The following ERLEC1 variants were observed in gnomAD, a reference collection of about 807,000 sequenced individuals.
ERLEC1 encodes the protein endoplasmic reticulum lectin 1, also known as ER lectin.
A neutral mutation model predicts 68.0 loss-of-function variants in ERLEC1; 47 were observed. The observed-to-expected ratio is 0.69, with a 90% CI of 0.55 to 0.88. The LOEUF is 0.88. Among genes scored for constraint, ERLEC1 ranks in the 40% least tolerant of loss-of-function variants. The probability of loss-of-function intolerance (pLI) is 0.00; values close to 1 mark genes in which losing one functional copy is unlikely to be tolerated. For missense variants in ERLEC1, 567 were observed against 583.8 expected (o/e 0.97, Z 0.30); for synonymous variants, 225 against 203.2 (o/e 1.11, Z -0.91).
intron 1 of ERLEC1, chr2:53,788,827 G>T (rs1250516014): frequency 1.3e-5 from 2 of 152,130 alleles, no homozygotes; most frequent in Non-Finnish European, 2.9e-5. Flanking sequence ...GCTTGGAAGA[G>T]AATACTTTAA....
intron 2 of ERLEC1, 145 bp from the exon 3 acceptor site, chr2:53,795,783 GCGTAC>G (rs1028867316): frequency 3.9e-6 from 2 of 519,354 alleles, no homozygotes; most frequent in Non-Finnish European, 6.7e-6. Flanking sequence ...GAAAGCAATG[GCGTAC>G]CGTAGGGTCT....
At chr2:53,796,427 G>A (rs1403515850) in intron 3 of ERLEC1, among the ~76,000 whole-genome samples, 1 of 151,548 alleles carries the variant, frequency 6.6e-6, no homozygotes, top group Non-Finnish European at 1.5e-5. Flanking sequence ...GTTAAGTTAG[G>A]TATAAATATA....
rs1446179709 is a variant in ERLEC1 at position 53,797,595 on chromosome 2, G to A, written c.426+3G>A. 1.2e-6 allele frequency: 2 copies of A among 1,608,272 alleles called. No individual in the cohort carries two copies. The highest frequency in any genetic ancestry group is 2.2e-5 in the East Asian group (1 of 44,792). ...ATGAAGAGAAAGAAACTGGTCAGGT[G>A]TGTTTTTCTTCAAAATATTATTATG... On this transcript the variant is annotated splice_donor_region_variant and intron_variant, in intron 4 of 13. Coordinates refer to ENST00000185150, the MANE Select transcript of ERLEC1 (RefSeq NM_015701.5).
Position 53,787,153 on chromosome 2 carries a change from CCT to C in ERLEC1, c.-54_-53del, listed in dbSNP as rs1675081605. ...TCCTCCTCCACCTCCTCCTCCTCCTCCTCTCCTCCTGGAGCAGAGGAGGTTGT... is the reference window on the plus strand; with the variant it reads ...TCCTCCTCCACCTCCTCCTCCTCCTCCTCCTCCTGGAGCAGAGGAGGTTGT... On this transcript the variant is annotated 5_prime_UTR_variant, in exon 1 of 14. Transcript: ENST00000185150. 1 of 1,420,186 alleles carries C rather than the reference CCT, an allele frequency of 7.0e-7. No homozygotes were observed. 88.0% of individuals were successfully genotyped at this position (1,420,186 alleles called of 1,614,324 possible).
chr2:53,811,433 A>G (rs1324613971), intron 10 of ERLEC1, among the ~76,000 whole-genome samples: 1 of 152,220 alleles, frequency 6.6e-6, no homozygotes, highest in East Asian at 1.9e-4. Context: ...AACAGTGGCT[A>G]CATTCCTATA....
intron 10 of ERLEC1, among the ~76,000 whole-genome samples, chr2:53,811,128 A>C (rs1197987912): frequency 6.6e-6 from 1 of 152,164 alleles, no homozygotes; most frequent in East Asian, 1.9e-4. Flanking sequence ...CTTTTCACTT[A>C]GTATCTTGGA....
intron 6 of ERLEC1, among the ~76,000 whole-genome samples, chr2:53,799,488 A>G (rs1675893082): frequency 6.6e-6 from 1 of 152,174 alleles, no homozygotes; most frequent in Admixed American, 6.5e-5. Flanking sequence ...AAGCAGGGAC[A>G]GTCTTTTATC....
Position 53,789,218 on chromosome 2 carries a change from A to C in ERLEC1, c.162+1846A>C, listed in dbSNP as rs1271675271. Among the ~76,000 whole-genome samples the C allele has an allele frequency of 2.0e-5, 3 of 151,766 alleles. No homozygotes were observed. The East Asian group carries it at 5.8e-4, about 29-fold the overall frequency. On this transcript the variant is annotated intron_variant, in intron 1 of 13. Coordinates refer to ENST00000185150, the MANE Select transcript of ERLEC1 (RefSeq NM_015701.5). ...AGACAAGCCTGACCAACGTGGTGAA[A>C]CCCCATCTCTACTAAAAACACAAAA...
In ERLEC1 at chr2:53,794,370, A is replaced by G; in HGVS notation, c.188A>G (p.Glu63Gly). The G allele has an allele frequency of 6.4e-7, 1 of 1,567,388 alleles. No individual in the cohort carries two copies. The highest frequency in any genetic ancestry group is 1.2e-5 in the South Asian group (1 of 85,442). ...SLPTTGVLYK[E>G]DNYVIMTTAH... ...CCCACAACTGGAGTTTTATATAAAG[A>G]AGATAATTATGTCATCATGACAACT... Residue 63 changes from glutamate to glycine, a missense_variant, in exon 2 of 14, where the codon GAA becomes GGA. Transcript: ENST00000185150.
chr2:53,792,470 C>G (rs768695941), intron 1 of ERLEC1, among the ~76,000 whole-genome samples: 30 of 152,178 alleles, frequency 2.0e-4, no homozygotes, highest in Non-Finnish European at 3.8e-4. Flanking sequence ...TCTGCTACTT[C>G]TAGGTTTTTT....
At chr2:53,796,240 G>A (rs1675691499) in intron 3 of ERLEC1, among the ~76,000 whole-genome samples, 1 of 133,036 alleles carries the variant, frequency 7.5e-6, no homozygotes, top group African/African-American at 2.9e-5. Context: ...AGTACCTGAT[G>A]GGTTGGTTTT....
At chr2:53,801,374 GT>G (rs1206231783) in intron 6 of ERLEC1, 22 bp from the exon 7 acceptor site, 3 of 1,593,214 alleles carry the variant, frequency 1.9e-6, no homozygotes, top group Non-Finnish European at 2.6e-6. Context: ...TGAAAAGTCT[GT>G]CTTATACTCT....
At chr2:53,789,909 C>T (rs1339331013) in intron 1 of ERLEC1, among the ~76,000 whole-genome samples, 6 of 150,828 alleles carry the variant, frequency 4.0e-5, no homozygotes, top group African/African-American at 9.7e-5. Flanking sequence ...GTTCCAGCTA[C>T]TTGGGAGGCT....
At chr2:53,789,649 GCC>G (rs1460526399) in intron 1 of ERLEC1, among the ~76,000 whole-genome samples, 1 of 151,956 alleles carries the variant, frequency 6.6e-6, no homozygotes, top group Admixed American at 6.6e-5. Context: ...GTAAAAATAA[GCC>G]ACAATAGTCA....
chr2:53,796,578 G>A (rs1299985873), intron 3 of ERLEC1, among the ~76,000 whole-genome samples: 1 of 151,732 alleles, frequency 6.6e-6, no homozygotes, highest in African/African-American at 2.4e-5. Flanking sequence ...TCCCACCTCA[G>A]ACTCCCCAGT....
Position 53,812,932 on chromosome 2 carries a change from T to C in ERLEC1, c.1102-17T>C, listed in dbSNP as rs756368789. On this transcript the variant is annotated splice_polypyrimidine_tract_variant and intron_variant, in intron 10 of 13. Transcript: ENST00000185150. ...GATATCAAGCACGCATTATCACAAA[T>C]TTTTTTCCCATATTAGGACAAGGAT... The C allele has an allele frequency of 1.0e-5, 16 of 1,597,200 alleles. No individual in the cohort carries two copies. Among genetic ancestry groups the C allele is most frequent in the South Asian group, 4.6e-5 (4 of 87,152 alleles).
rs1198781297 is a variant in ERLEC1, at chr2:53,794,420, A to G, written c.238A>G (p.Ile80Val). ...TGCACATAAAGAAAAATATAAATGCATACTTCCCCTTGTGACAAGTGGGGA... is the reference window on the plus strand; with the variant it reads ...TGCACATAAAGAAAAATATAAATGCGTACTTCCCCTTGTGACAAGTGGGGA... The part of the protein sequence containing the change: ...TTAHKEKYKC[I>V]LPLVTSGDEE... The change falls in exon 2 of 14, where the codon ATA becomes GTA. Residue 80 changes from isoleucine (I) to valine (V), a missense_variant. Coordinates refer to ENST00000185150, the MANE Select transcript of ERLEC1 (RefSeq NM_015701.5). 1.3e-6 allele frequency: 2 copies of G among 1,577,454 alleles called. No homozygotes were observed. The highest frequency in any genetic ancestry group is 1.8e-5 in the Admixed American group (1 of 56,084).
intron 8 of ERLEC1, among the ~76,000 whole-genome samples, chr2:53,802,904 A>G (rs114488133): frequency 0.017 from 2,647 of 151,982 alleles, 80 homozygotes; most frequent in African/African-American, 0.061. Flanking sequence ...GCCCTACTTG[A>G]CCTTCAGTAT....
intron 8 of ERLEC1, among the ~76,000 whole-genome samples, chr2:53,805,287 T>C (rs2104315837): frequency 6.6e-6 from 1 of 152,222 alleles, no homozygotes; most frequent in South Asian, 2.1e-4. Context: ...CCTCCCAAAG[T>C]ACGGGATTAC....
Sources: gnomAD v4.1 joint callset for allele counts (sites outside exome capture counted in the v4.1 genomes callset) on GRCh38, gnomAD v4.1.1 for gene constraint, MANE v1.5 for transcripts, NCBI Gene and HGNC (gene_info 2026-07-23, HGNC 2026-07-21) for gene names.